The following CYP19A1 variants were observed in gnomAD, a reference collection of about 807,000 sequenced individuals.
CYP19A1 encodes aromatase.
A neutral mutation model predicts 44.4 loss-of-function variants in CYP19A1; 32 were observed. That is an observed-to-expected ratio of 0.72 (90% CI 0.54 to 0.97). The LOEUF (loss-of-function observed/expected upper bound fraction) is 0.97, where lower values mean the gene tolerates loss of function less well. CYP19A1 is among the 50% of genes least tolerant of loss of function. CYP19A1 has a pLI of 0.00. For synonymous variants in CYP19A1, 212 were observed against 215.6 expected (o/e 0.98, Z 0.14); for missense variants, 598 against 637.8 (o/e 0.94, Z 0.67).
intron 1 of CYP19A1, among the ~76,000 whole-genome samples, chr15:51,272,439 A>G (rs964052792): frequency 1.3e-5 from 2 of 152,214 alleles, no homozygotes. Flanking sequence ...TACATTTTAT[A>G]AACAAACACC....
At chr15:51,328,547 G>GGT (rs56202041) in intron 1 of CYP19A1, among the ~76,000 whole-genome samples, 3,196 of 147,376 alleles carry the variant, frequency 0.022, 48 homozygotes, top group East Asian at 0.058. Flanking sequence ...ACAGGGCAGG[G>GGT]GTGTGTGTGT....
At chr15:51,247,906 A>AT (rs998966857) in intron 1 of CYP19A1, among the ~76,000 whole-genome samples, 2 of 151,848 alleles carry the variant, frequency 1.3e-5, no homozygotes, top group Non-Finnish European at 2.9e-5. Flanking sequence ...ACGTCCCTGT[A>AT]TTTTTTTAAT....
chr15:51,334,509 C>G (rs986705135), intron 1 of CYP19A1, among the ~76,000 whole-genome samples: 2 of 152,210 alleles, frequency 1.3e-5, no homozygotes, highest in Non-Finnish European at 2.9e-5. Context: ...GCAGTATTAA[C>G]TTACTTCTGT....
At chr15:51,234,417 A>G (rs1026362288) in intron 3 of CYP19A1, among the ~76,000 whole-genome samples, 1 of 152,294 alleles carries the variant, frequency 6.6e-6, no homozygotes, top group East Asian at 1.9e-4. Flanking sequence ...TGTTGGAGTC[A>G]GTTTCCTAAT....
chr15:51,317,388 C>T (rs181058931), intron 1 of CYP19A1, among the ~76,000 whole-genome samples: 1 of 152,150 alleles, frequency 6.6e-6, no homozygotes, highest in African/African-American at 2.4e-5. Context: ...GGATTACAGG[C>T]GTGAGCCACT....
intron 1 of CYP19A1, chr15:51,316,224 T>A (rs1185808332): frequency 2.0e-5 from 3 of 152,232 alleles, no homozygotes; most frequent in Non-Finnish European, 4.4e-5. Context: ...GCATGTTGGC[T>A]CATGTCTCTA....
At chr15:51,277,856 G>T (rs2035370385) in intron 1 of CYP19A1, 1 of 148,278 alleles carries the variant, frequency 6.7e-6, no homozygotes, top group Admixed American at 6.7e-5. Flanking sequence ...TTATTTAAAA[G>T]AATACATACT....
chr15:51,315,332 A>G (rs1251450712), intron 1 of CYP19A1, among the ~76,000 whole-genome samples: 2 of 152,102 alleles, frequency 1.3e-5, no homozygotes, highest in East Asian at 3.9e-4. Flanking sequence ...TGCTTAGCTC[A>G]CACATACTCA....
intron 6 of CYP19A1, among the ~76,000 whole-genome samples, chr15:51,216,408 C>T (rs976730408): frequency 6.6e-6 from 1 of 152,078 alleles, no homozygotes; most frequent in East Asian, 1.9e-4. Context: ...CCTGCCACCA[C>T]GCCCAGCTAA....
intron 1 of CYP19A1, among the ~76,000 whole-genome samples, chr15:51,309,818 G>A (rs1811410601): frequency 6.6e-6 from 1 of 152,194 alleles, no homozygotes. Context: ...AAGCTTTCAA[G>A]CTTGGATCTT....
At chr15:51,269,259 G>A (rs34080711) in intron 1 of CYP19A1, among the ~76,000 whole-genome samples, 11,027 of 151,888 alleles carry the variant, frequency 0.073, 511 homozygotes, top group Non-Finnish European at 0.1. Context: ...ATCCAGCACC[G>A]TTTTTTTGAA....
intron 1 of CYP19A1, among the ~76,000 whole-genome samples, chr15:51,309,324 A>C (rs529128204): frequency 1.8e-4 from 28 of 152,232 alleles, no homozygotes; most frequent in Non-Finnish European, 3.7e-4. Flanking sequence ...AACAATGAGA[A>C]ATAAATGTTT....
At position 51,238,293 on chromosome 15, in the gene CYP19A1, C is replaced by T. The variant is rs150592976; in HGVS notation, c.146-1284G>A. On this transcript the variant is annotated intron_variant, in intron 2 of 9. Coordinates refer to ENST00000396402, the MANE Select transcript of CYP19A1 (RefSeq NM_000103.4). ...CATTAAGCTCTTTAAAAGATTTCCA[C>T]AGCAGATTTGATTGAATATGTATTT... Among the ~76,000 whole-genome samples, 390 of 152,316 alleles carry T rather than the reference C, an allele frequency of 2.6e-3. 5 individuals are homozygous for T. In the South Asian group the frequency reaches 0.027, roughly 10 times the overall value.
At chr15:51,300,874 G>A (rs2036098609) in intron 1 of CYP19A1, among the ~76,000 whole-genome samples, 1 of 152,138 alleles carries the variant, frequency 6.6e-6, no homozygotes, top group African/African-American at 2.4e-5. Flanking sequence ...ACATAAAACG[G>A]TGGTAGGCCC....
Position 51,335,647 on chromosome 15 carries a change from G to A in CYP19A1, c.-39+2848C>T, listed in dbSNP as rs556992356. Among the ~76,000 whole-genome samples the A allele has an allele frequency of 1.6e-4, 24 of 152,316 alleles. No homozygotes were observed. The South Asian group carries it at 2.5e-3, about 16-fold the overall frequency. On this transcript the variant is annotated intron_variant, in intron 1 of 9. Transcript: ENST00000396402. ...TTTAAAGGCTGAAGTTGGCCCTGGT[G>A]GAGGTCAGAGATCATACATGGTTTC...
chr15:51,252,706 GCACACGGAGTGTGCGCCTGTGGAGGC>G (rs2034366084), intron 1 of CYP19A1, among the ~76,000 whole-genome samples: 2 of 152,096 alleles, frequency 1.3e-5, no homozygotes, highest in South Asian at 4.2e-4. Flanking sequence ...TGCATGGAGG[GCACACGGAGTGTGCGCCTGTGGAGGC>G]CACTGTCTTC....
At chr15:51,292,794 C>CT (rs2035877721) in intron 1 of CYP19A1, among the ~76,000 whole-genome samples, 1 of 151,776 alleles carries the variant, frequency 6.6e-6, no homozygotes, top group South Asian at 2.1e-4. Context: ...GGTCGGGGTC[C>CT]TTCTTCATGG....
intron 1 of CYP19A1, among the ~76,000 whole-genome samples, chr15:51,256,016 G>A (rs187615735): frequency 6.6e-6 from 1 of 152,306 alleles, no homozygotes; most frequent in African/African-American, 2.4e-5. Context: ...CCCTAGCTTT[G>A]CTCACATAGA....
chr15:51,285,856 T>C (rs2035680171), intron 1 of CYP19A1, among the ~76,000 whole-genome samples: 1 of 152,196 alleles, frequency 6.6e-6, no homozygotes, highest in South Asian at 2.1e-4. Flanking sequence ...AACTGTGTTT[T>C]CTCATTCCTT....
Sources: allele counts gnomAD v4.1 joint callset (sites outside exome capture counted in the v4.1 genomes callset), GRCh38; gene constraint gnomAD v4.1.1; transcripts MANE v1.5; gene names NCBI Gene and HGNC (gene_info 2026-07-23, HGNC 2026-07-21).